TOPBP1: variants seen among roughly 807,000 people sequenced by gnomAD.
TOPBP1 encodes the protein DNA topoisomerase 2-binding protein 1.
Under a neutral mutation model 167.7 loss-of-function variants are expected in TOPBP1, and 28 were observed. The ratio of observed to expected loss-of-function variants is 0.17; its 90% CI spans 0.12 to 0.23. The LOEUF is 0.23. TOPBP1 is among the 10% of genes least tolerant of loss of function. The pLI, the probability that TOPBP1 is intolerant of heterozygous loss-of-function variation, is 1.00. For synonymous variants in TOPBP1, 598 were observed against 611.4 expected (o/e 0.98, Z 0.32); for missense variants, 1,554 against 1,809.6 (o/e 0.86, Z 2.56).
At chr3:133,604,810 T>C (rs374090594) in intron 27 of TOPBP1, among the ~76,000 whole-genome samples, 1 of 151,810 alleles carries the variant, frequency 6.6e-6, no homozygotes, top group African/African-American at 2.4e-5. Flanking sequence ...TCCCAGCTAC[T>C]TGGGAGACTG....
At chr3:133,659,920 G>A (rs1346846336) in intron 2 of TOPBP1, among the ~76,000 whole-genome samples, 1 of 152,090 alleles carries the variant, frequency 6.6e-6, no homozygotes, top group Non-Finnish European at 1.5e-5. Context: ...CTGTAAGTCA[G>A]ATCATGTTTA....
At chr3:133,658,858 A>C (rs2107838794) in intron 3 of TOPBP1, among the ~76,000 whole-genome samples, 158 bp downstream of exon 3, 1 of 152,306 alleles carries the variant, frequency 6.6e-6, no homozygotes, top group Non-Finnish European at 1.5e-5. Context: ...CTACTGTAAC[A>C]TAATTAGCCT....
chr3:133,660,844 G>C (rs1936680005), intron 2 of TOPBP1, among the ~76,000 whole-genome samples, 200 bp downstream of exon 2: 1 of 152,108 alleles, frequency 6.6e-6, no homozygotes, highest in Non-Finnish European at 1.5e-5. Flanking sequence ...TGTGATAATA[G>C]ACTTCCAGCC....
intron 14 of TOPBP1, among the ~76,000 whole-genome samples, chr3:133,630,863 G>A (rs554275555): frequency 2.6e-5 from 4 of 152,198 alleles, no homozygotes; most frequent in Non-Finnish European, 5.9e-5. Flanking sequence ...TTCATGACAT[G>A]TTTGGGAATT....
intron 23 of TOPBP1, among the ~76,000 whole-genome samples, chr3:133,613,727 T>C (rs938562853): frequency 2.0e-5 from 3 of 152,194 alleles, no homozygotes; most frequent in African/African-American, 2.4e-5. Context: ...TGGCTGTTGA[T>C]TTATAGCTTA....
chr3:133,628,465 C>T lies in TOPBP1; in HGVS notation c.2701G>A (p.Ala901Thr). The T allele has an allele frequency of 6.2e-7, 1 of 1,610,322 alleles. No individual in the cohort carries two copies. The highest frequency in any genetic ancestry group is 8.5e-7 in the Non-Finnish European group (1 of 1,178,106). Residue 901 changes from alanine to threonine, a missense_variant, in exon 16 of 28, where the codon GCC becomes ACC. Physicochemically the swap from Ala to Thr is moderately conservative, Grantham distance 58. Around this residue, in one of 3 missense-constraint regions of TOPBP1, gnomAD observed 1,197 missense variants for 1,351.5 expected, o/e 0.89. Coordinates refer to ENST00000260810, the MANE Select transcript of TOPBP1 (RefSeq NM_007027.4). ...LKEAQSEKEE[A>T]PKPLHKVVVC... Reference sequence around the variant, plus strand: ...ACTACTTTGTGAAGTGGCTTTGGGGCTTCTTCCTGTCCATGGAAAATAAAA... The same window carrying T: ...ACTACTTTGTGAAGTGGCTTTGGGGTTTCTTCCTGTCCATGGAAAATAAAA...
chr3:133,618,420 T>C lies in TOPBP1; in HGVS notation c.3385A>G (p.Thr1129Ala), dbSNP rs1184270576. 1.2e-6 allele frequency: 2 copies of C among 1,613,524 alleles called. No homozygotes were observed. The highest frequency in any genetic ancestry group is 1.7e-6 in the Non-Finnish European group (2 of 1,179,618). The part of the protein sequence containing the change: ...VLEALRQSRQ[T>A]VPDVNTEPSQ... ...GGCTCTGTGTTGACATCAGGTACTG[T>C]CTGACGAGACTGCCTAAGGAATAGA... is the stretch of plus-strand genomic sequence containing the variant. Residue 1129 changes from threonine to alanine, a missense_variant, in exon 21 of 28, where the codon ACA (threonine) becomes GCA (alanine). By Grantham distance (58) the Thr-to-Ala change is moderately conservative. Transcript: ENST00000260810.
Position 133,600,949 on chromosome 3 carries a change from C to G in TOPBP1, c.*301G>C, listed in dbSNP as rs1381353145. On this transcript the variant is annotated 3_prime_UTR_variant, in exon 28 of 28. Coordinates refer to ENST00000260810, the MANE Select transcript of TOPBP1 (RefSeq NM_007027.4). ...CCTTGCTAAAATTTCCACTAAGCTA[C>G]AGCTTCAGATATTTACAAGAAAAAT... 1 of 174,750 alleles carries G rather than the reference C, an allele frequency of 5.7e-6. No homozygotes were observed. 10.8% of individuals were successfully genotyped at this position (174,750 alleles called of 1,614,324 possible).
rs142940099 is a variant in TOPBP1, at chr3:133,661,106, G to C, written c.22C>G (p.Pro8Ala). 5.6e-6 allele frequency: 9 copies of C among 1,598,520 alleles called. No homozygotes were observed. The East Asian group carries it at 2.0e-4, about 36-fold the overall frequency. The part of the protein sequence containing the change: MSRNDKE[P>A]FFVKFLKSSD... ...GACTTTAAAAACTTCACAAAAAACGGTTCTTTGTCATTTCTGGACATTTCT... is the reference window on the plus strand; with the variant it reads ...GACTTTAAAAACTTCACAAAAAACGCTTCTTTGTCATTTCTGGACATTTCT... Residue 8 changes from proline to alanine, a missense_variant, in exon 2 of 28, where the codon CCG becomes GCG. By Grantham distance (27) the Pro-to-Ala change is conservative. Coordinates refer to ENST00000260810, the MANE Select transcript of TOPBP1 (RefSeq NM_007027.4).
chr3:133,644,477 C>T lies in TOPBP1; in HGVS notation c.1505-114G>A, dbSNP rs1936011179. 5.8e-6 allele frequency: 6 copies of T among 1,027,494 alleles called. No individual in the cohort carries two copies. The East Asian group carries it at 1.6e-4, about 27-fold the overall frequency. The allele number at this position is 1,027,494 out of a possible 1,614,324, so 63.6% of individuals were successfully genotyped here. On this transcript the variant is annotated intron_variant, in intron 10 of 27. Transcript: ENST00000260810. ...GATAATTTTGACCATACTTACAAAA[C>T]TAAAGCTTACGTGTATAATAAAGGG...
At chr3:133,645,107 T>C (rs961387591) in intron 10 of TOPBP1, among the ~76,000 whole-genome samples, 6 of 152,162 alleles carry the variant, frequency 3.9e-5, no homozygotes, top group African/African-American at 4.8e-5. Flanking sequence ...CACACCACCA[T>C]GTTATAGTGC....
intron 14 of TOPBP1, among the ~76,000 whole-genome samples, chr3:133,630,728 G>C (rs1048793456): frequency 2.6e-5 from 4 of 152,080 alleles, no homozygotes; most frequent in African/African-American, 9.7e-5. Context: ...TGGGACTATA[G>C]GTATGTGCCA....
intron 5 of TOPBP1, among the ~76,000 whole-genome samples, chr3:133,655,983 T>C (rs147051679): frequency 7.2e-5 from 11 of 151,852 alleles, no homozygotes; most frequent in African/African-American, 2.7e-4. Flanking sequence ...TGGAGACATA[T>C]TTGGGATATG....
At chr3:133,608,469 GTTAC>G in intron 27 of TOPBP1, 62 bp downstream of exon 27, 1 of 1,547,384 alleles carries the variant, frequency 6.5e-7, no homozygotes, top group Non-Finnish European at 8.8e-7. Context: ...TTGTTGTGCA[GTTAC>G]TTATCTATGC....
chr3:133,622,767 G>A (rs1475507646), intron 19 of TOPBP1, among the ~76,000 whole-genome samples: 1 of 152,012 alleles, frequency 6.6e-6, no homozygotes, highest in African/African-American at 2.4e-5. Flanking sequence ...TACCTTTAAT[G>A]GAATAGGGCT....
At chr3:133,624,443 C>T (rs1400521206) in intron 16 of TOPBP1, among the ~76,000 whole-genome samples, 1 of 152,068 alleles carries the variant, frequency 6.6e-6, no homozygotes, top group African/African-American at 2.4e-5. Flanking sequence ...CACTGCACTT[C>T]AGCCCAGGCA....
intron 10 of TOPBP1, among the ~76,000 whole-genome samples, chr3:133,648,188 A>G (rs191674756): frequency 2.0e-5 from 3 of 152,306 alleles, no homozygotes; most frequent in African/African-American, 2.4e-5. Flanking sequence ...CAATGAAACA[A>G]TATCTCTGTG....
At chr3:133,633,474 A>G (rs1935559595) in intron 14 of TOPBP1, among the ~76,000 whole-genome samples, 1 of 152,108 alleles carries the variant, frequency 6.6e-6, no homozygotes, top group Non-Finnish European at 1.5e-5. Context: ...TCTAAAGGTG[A>G]GCACCTCAAG....
intron 4 of TOPBP1, among the ~76,000 whole-genome samples, chr3:133,657,168 A>G (rs72972213): frequency 0.028 from 4,176 of 150,636 alleles, 215 homozygotes; most frequent in African/African-American, 0.095. Flanking sequence ...CATAAATTAT[A>G]TCTATATAAT....
Sources: allele counts gnomAD v4.1 joint callset (sites outside exome capture counted in the v4.1 genomes callset), GRCh38; gene constraint gnomAD v4.1.1; regional missense constraint gnomAD v4.1.1; transcripts MANE v1.5; gene names NCBI Gene and HGNC (gene_info 2026-07-23, HGNC 2026-07-21).